Variants in CCDC170 observed in about 807,000 individuals in gnomAD.
CCDC170 encodes coiled-coil domain-containing protein 170.
Under a neutral mutation model 72.6 loss-of-function variants are expected in CCDC170, and 69 were observed. That is an observed-to-expected ratio of 0.95 (90% CI 0.78 to 1.16). The LOEUF (loss-of-function observed/expected upper bound fraction) is 1.16, where lower values mean the gene tolerates loss of function less well. CCDC170 is among the 50% of genes most tolerant of loss of function. The pLI is 0.00. For missense variants in CCDC170, 852 were observed against 832.5 expected (o/e 1.02, Z -0.29); for synonymous variants, 300 against 303.9 (o/e 0.99, Z 0.13).
chr6:151,595,315 T>C (rs1776604614), intron 8 of CCDC170, among the ~76,000 whole-genome samples: 1 of 152,156 alleles, frequency 6.6e-6, no homozygotes, highest in Non-Finnish European at 1.5e-5. Flanking sequence ...ATCACTCTAA[T>C]TTCCTTTTTT....
At chr6:151,552,933 C>T (rs9322324) in intron 5 of CCDC170, among the ~76,000 whole-genome samples, 16,563 of 151,620 alleles carry the variant, frequency 0.11, 2,877 homozygotes, top group African/African-American at 0.37. Flanking sequence ...ATTACAGGCA[C>T]GTGCCACTAT....
At chr6:151,527,668 G>A (rs1336769513) in intron 1 of CCDC170, among the ~76,000 whole-genome samples, 1 of 152,074 alleles carries the variant, frequency 6.6e-6, no homozygotes, top group Non-Finnish European at 1.5e-5. Context: ...TGGTGGGGGC[G>A]TGGGGAGAAA....
intron 1 of CCDC170, among the ~76,000 whole-genome samples, chr6:151,499,940 T>C (rs1781970446): frequency 6.6e-6 from 1 of 152,186 alleles, no homozygotes; most frequent in African/African-American, 2.4e-5. Flanking sequence ...GACCCTGCTT[T>C]CAATTTTGAG....
At chr6:151,535,328 G>C (rs894010705) in intron 1 of CCDC170, among the ~76,000 whole-genome samples, 1 of 152,214 alleles carries the variant, frequency 6.6e-6, no homozygotes, top group Non-Finnish European at 1.5e-5. Flanking sequence ...CACCAGTGGA[G>C]CTGAGACCTG....
At chr6:151,526,235 T>C (rs2115037411) in intron 1 of CCDC170, among the ~76,000 whole-genome samples, 1 of 151,708 alleles carries the variant, frequency 6.6e-6, no homozygotes, top group East Asian at 2.0e-4. Context: ...CTTTTTCTTT[T>C]TTTTTGAGAT....
intron 7 of CCDC170, among the ~76,000 whole-genome samples, chr6:151,591,870 T>A (rs1776541509): frequency 1.3e-5 from 2 of 152,172 alleles, no homozygotes; most frequent in South Asian, 4.1e-4. Context: ...TTGTTCGAAA[T>A]TTTGTTTGTA....
At chr6:151,527,990 G>T (rs1307133434) in intron 1 of CCDC170, among the ~76,000 whole-genome samples, 3 of 152,078 alleles carry the variant, frequency 2.0e-5, no homozygotes, top group Admixed American at 2.0e-4. Flanking sequence ...TTGGCACATT[G>T]TATACTAAAT....
At chr6:151,598,435 C>T (rs1368011162) in intron 9 of CCDC170, among the ~76,000 whole-genome samples, 2 of 152,034 alleles carry the variant, frequency 1.3e-5, no homozygotes, top group African/African-American at 2.4e-5. Flanking sequence ...TGGGGGTGTT[C>T]GGTTCAACTG....
In CCDC170 at chr6:151,617,408, C is replaced by CTTTTTTTTTTTTTTTTT. The variant is rs745655791; in HGVS notation, c.1948-510_1948-494dup. On this transcript the variant is annotated intron_variant, in intron 10 of 10. Coordinates refer to ENST00000239374, the MANE Select transcript of CCDC170 (RefSeq NM_025059.4). The stretch of plus-strand genomic sequence containing the variant: ...AGCTTATACTTTCTTGCTGTTTGTT[C>CTTTTTTTTTTTTTTTTT]TTTTTTTTTTTTTTTTTTTTTTTTT... Among the ~76,000 whole-genome samples, 46 of 91,456 alleles carry CTTTTTTTTTTTTTTTTT rather than the reference C, an allele frequency of 5.0e-4. 2 individuals are homozygous for CTTTTTTTTTTTTTTTTT. The highest frequency in any genetic ancestry group is 6.4e-4 in the Non-Finnish European group (30 of 46,708). The allele number at this position is 91,456 out of a possible 152,430, so 60.0% of individuals were successfully genotyped here. A position where few individuals can be genotyped will look rare whatever the true frequency, so the allele number is the denominator to read the frequency against.
chr6:151,559,739 G>T (rs1340517301), intron 5 of CCDC170, among the ~76,000 whole-genome samples: 2 of 152,108 alleles, frequency 1.3e-5, no homozygotes, highest in Non-Finnish European at 2.9e-5. Context: ...CGGATACATA[G>T]AAATGTTCAT....
intron 6 of CCDC170, among the ~76,000 whole-genome samples, chr6:151,580,244 T>C (rs1024520638): frequency 3.3e-5 from 5 of 152,100 alleles, no homozygotes; most frequent in African/African-American, 1.2e-4. Flanking sequence ...GGTTTCATTC[T>C]CTCCGCTATG....
Position 151,573,429 on chromosome 6 carries a change from A to G in CCDC170, c.1030A>G (p.Thr344Ala). 6.2e-7 allele frequency: 1 copy of G among 1,614,186 alleles called. No individual in the cohort carries two copies. The highest frequency in any genetic ancestry group is 8.5e-7 in the Non-Finnish European group (1 of 1,180,028). Residue 344 changes from threonine to alanine, a missense_variant, in exon 6 of 11, where the codon ACT (threonine) becomes GCT (alanine). By Grantham distance (58) the Thr-to-Ala change is moderately conservative (BLOSUM62 0). Transcript: ENST00000239374. ...GGGCAGATTGAGCATGACTGGGTCC[A>G]CTGAGGACACCATTTTGGAGAAGAT... ...LRGRLSMTGS[T>A]EDTILEKIRE...
intron 9 of CCDC170, among the ~76,000 whole-genome samples, chr6:151,611,189 C>T (rs1032721100): frequency 6.6e-6 from 1 of 151,926 alleles, no homozygotes; most frequent in African/African-American, 2.4e-5. Flanking sequence ...GCAGGGGAAT[C>T]GCTTGAACCC....
At position 151,536,359 on chromosome 6, in the gene CCDC170, G is replaced by A. The variant is rs1659581496; in HGVS notation, c.99G>A (p.Glu33=). 4 of 1,614,182 alleles carry A rather than the reference G, an allele frequency of 2.5e-6. No homozygotes were observed. Among genetic ancestry groups the A allele is most frequent in the Non-Finnish European group, 3.4e-6 (4 of 1,179,988 alleles). ...TTTCGGAAGTCCCGGTCACGCGGGAGCAGTTAAACCACTATCGGAATGTGG... is the reference window on the plus strand; with the variant it reads ...TTTCGGAAGTCCCGGTCACGCGGGAACAGTTAAACCACTATCGGAATGTGG... ...DHLSEVPVTR[E]QLNHYRNVAQ... Residue 33 remains glutamate (E), a synonymous_variant, in exon 2 of 11, where the codon GAG becomes GAA. Coordinates refer to ENST00000239374, the MANE Select transcript of CCDC170 (RefSeq NM_025059.4).
chr6:151,495,862 G>A (rs1278890696), intron 1 of CCDC170, among the ~76,000 whole-genome samples: 1 of 152,050 alleles, frequency 6.6e-6, no homozygotes, highest in African/African-American at 2.4e-5. Flanking sequence ...ATTCTCTAAC[G>A]AACATACAAT....
At position 151,548,432 on chromosome 6, in the gene CCDC170, C is replaced by G; in HGVS notation, c.717C>G (p.Val239=). 6 of 1,610,572 alleles carry G rather than the reference C, an allele frequency of 3.7e-6. No individual in the cohort carries two copies. The highest frequency in any genetic ancestry group is 1.7e-4 in the Middle Eastern group (1 of 6,036). Residue 239 remains valine, a synonymous_variant, in exon 5 of 11, where the codon GTC becomes GTG. Transcript: ENST00000239374. ...RETIMRLASE[V]NREQKKAASC... ...CGATCATGAGGCTGGCTTCAGAAGT[C>G]AACAGAGAGCAGAAAAAAGCTGCCT... is the stretch of plus-strand genomic sequence containing the variant.
chr6:151,589,313 T>C (rs1449779663), intron 7 of CCDC170, among the ~76,000 whole-genome samples: 1 of 151,938 alleles, frequency 6.6e-6, no homozygotes, highest in Non-Finnish European at 1.5e-5. Context: ...CAAAATGAAA[T>C]ATTGCACCTG....
At chr6:151,599,438 G>A (rs573318575) in intron 9 of CCDC170, among the ~76,000 whole-genome samples, 1 of 152,290 alleles carries the variant, frequency 6.6e-6, no homozygotes, top group South Asian at 2.1e-4. Flanking sequence ...GAGGATGAGT[G>A]ACAGTCAATG....
Position 151,494,144 on chromosome 6 carries a change from A to G in CCDC170, c.16A>G (p.Thr6Ala). Residue 6 changes from threonine to alanine, a missense_variant, in exon 1 of 11, where the codon ACC (threonine) becomes GCC (alanine). Coordinates refer to ENST00000239374, the MANE Select transcript of CCDC170 (RefSeq NM_025059.4). ...TCGGGTCGTCATGAGCCTGGACTGC[A>G]CCAGCCATATCGCGCTGGGTGCCGC... MSLDC[T>A]SHIALGAASP... 6.7e-7 allele frequency: 1 copy of G among 1,496,762 alleles called. No homozygotes were observed. The highest frequency in any genetic ancestry group is 1.3e-5 in the South Asian group (1 of 77,956). The allele number at this position is 1,496,762 out of a possible 1,614,324, so 92.7% of individuals were successfully genotyped here.
Sources: gnomAD v4.1 joint callset for allele counts (sites outside exome capture counted in the v4.1 genomes callset) on GRCh38, gnomAD v4.1.1 for gene constraint, MANE v1.5 for transcripts, NCBI Gene and HGNC (gene_info 2026-07-23, HGNC 2026-07-21) for gene names.